The following TENM2 variants were observed in gnomAD, a reference collection of about 807,000 sequenced individuals.
TENM2 encodes teneurin transmembrane protein 2.
A neutral mutation model predicts 245.2 loss-of-function variants in TENM2; 52 were observed. The observed-to-expected ratio is 0.21, with a 90% CI of 0.17 to 0.27. The LOEUF is 0.27. Ranked by LOEUF, TENM2 falls within the 10% of genes least tolerant of loss-of-function variation. TENM2 has a pLI of 1.00. For synonymous variants in TENM2, 1,363 were observed against 1,438.9 expected (o/e 0.95, Z 1.19); for missense variants, 3,046 against 3,666.8 (o/e 0.83, Z 4.37).
At chr5:168,196,218 C>G (rs1761416651) in intron 15 of TENM2, among the ~76,000 whole-genome samples, 1 of 152,098 alleles carries the variant, frequency 6.6e-6, no homozygotes, top group African/African-American at 2.4e-5. Context: ...CCTAAGGTAG[C>G]CTTATAGGCA....
At chr5:167,489,570 T>G (rs1016047721) in intron 2 of TENM2, among the ~76,000 whole-genome samples, 1 of 152,276 alleles carries the variant, frequency 6.6e-6, no homozygotes, top group South Asian at 2.1e-4. Flanking sequence ...TTGCTTTATT[T>G]ATTTATTTAT....
At chr5:167,402,740 C>A (rs183112156) in intron 2 of TENM2, among the ~76,000 whole-genome samples, 65 of 152,138 alleles carry the variant, frequency 4.3e-4, no homozygotes, top group Non-Finnish European at 7.4e-4. Context: ...TTTTTAATGT[C>A]TTTTATTCTC....
chr5:167,631,331 G>A lies in TENM2; in HGVS notation c.503-244655G>A, dbSNP rs186333069. 4.3e-3 allele frequency among the ~76,000 whole-genome samples: 656 copies of A among 152,294 alleles called. 1 individual carries two copies. Among genetic ancestry groups the A allele is most frequent in the Non-Finnish European group, 6.7e-3 (454 of 68,020 alleles). On this transcript the variant is annotated intron_variant, in intron 2 of 28. Coordinates refer to ENST00000518659, the Ensembl canonical transcript of TENM2. The stretch of plus-strand genomic sequence containing the variant: ...TGGGTACAGCACACTCACTGAGAGT[G>A]TGACATTTGAGCCAAGGCTTGAACT...
intron 1 of TENM2, among the ~76,000 whole-genome samples, chr5:167,364,175 AC>A (rs1299188290): frequency 6.6e-6 from 1 of 152,112 alleles, no homozygotes; most frequent in African/African-American, 2.4e-5. Flanking sequence ...AATGACTGAG[AC>A]TTTTTTTATA....
At chr5:167,530,470 G>T (rs575558863) in intron 2 of TENM2, among the ~76,000 whole-genome samples, 1 of 152,238 alleles carries the variant, frequency 6.6e-6, no homozygotes, top group African/African-American at 2.4e-5. Flanking sequence ...GAGAAACTAT[G>T]TGCTGGATGT....
At chr5:167,341,203 A>G (rs1758080385) in intron 1 of TENM2, among the ~76,000 whole-genome samples, 1 of 152,196 alleles carries the variant, frequency 6.6e-6, no homozygotes, top group South Asian at 2.1e-4. Flanking sequence ...GAGTTGTTCT[A>G]GTTTAATTGT....
chr5:167,485,097 TC>T lies in TENM2; in HGVS notation c.502+109626del, dbSNP rs1285002676. Among the ~76,000 whole-genome samples the T allele has an allele frequency of 5.3e-5, 8 of 152,302 alleles. No homozygotes were observed. In the East Asian group the frequency reaches 1.5e-3, roughly 29 times the overall value. ...TATCTCCCGAGGGTTGAGGTCTTCATCCAGCCGGTGGCCCTATTAGGAAGTA... is the reference window on the plus strand; with the variant it reads ...TATCTCCCGAGGGTTGAGGTCTTCATCAGCCGGTGGCCCTATTAGGAAGTA... On this transcript the variant is annotated intron_variant, in intron 2 of 28. Transcript: ENST00000518659.
intron 3 of TENM2, among the ~76,000 whole-genome samples, chr5:167,911,327 C>A (rs923653517): frequency 6.6e-6 from 1 of 152,080 alleles, no homozygotes; most frequent in African/African-American, 2.4e-5. Context: ...GAGATCGAGA[C>A]CAACCTGGCT....
chr5:167,937,340 T>A (rs1778800735), intron 3 of TENM2, among the ~76,000 whole-genome samples: 1 of 152,220 alleles, frequency 6.6e-6, no homozygotes. Flanking sequence ...AATTTTCACG[T>A]GCAGATTTTG....
the TENM2 span, among the ~76,000 whole-genome samples, chr5:167,200,589 A>G: frequency 6.6e-6 from 1 of 152,094 alleles, no homozygotes; most frequent in Non-Finnish European, 1.5e-5. Context: ...TCACCAATGT[A>G]TAGCATGTTA....
chr5:166,988,056 C>T, the TENM2 span, among the ~76,000 whole-genome samples: 1 of 152,162 alleles, frequency 6.6e-6, no homozygotes, highest in Non-Finnish European at 1.5e-5. Flanking sequence ...GTGAATAGCT[C>T]TGAAAGTGGA....
chr5:167,619,092 T>C lies in TENM2; in HGVS notation c.502+243619T>C, dbSNP rs1777984538. ...TGGAAACACTGCCCAGTGTTCTAGA[T>C]CTTCCAGTTTTTCTGGAGACTACAG... On this transcript the variant is annotated intron_variant, in intron 2 of 28. Coordinates refer to ENST00000518659, the Ensembl canonical transcript of TENM2. Among the ~76,000 whole-genome samples, 5 of 152,252 alleles carry C rather than the reference T, an allele frequency of 3.3e-5. No individual in the cohort carries two copies. The South Asian group carries it at 1.0e-3, about 32-fold the overall frequency.
intron 12 of TENM2, among the ~76,000 whole-genome samples, chr5:168,158,842 TATATATATAC>T (rs1757460544): frequency 7.9e-5 from 7 of 88,468 alleles, no homozygotes; most frequent in African/African-American, 2.9e-4. Context: ...TATATATATA[TATATATATAC>T]ACACACACAC....
the TENM2 span, among the ~76,000 whole-genome samples, chr5:167,175,068 A>G: frequency 2.0e-5 from 3 of 151,932 alleles, no homozygotes; most frequent in East Asian, 5.8e-4. Flanking sequence ...TTCCTTATCC[A>G]TTTATCCATT....
intron 1 of TENM2, among the ~76,000 whole-genome samples, chr5:167,337,297 A>G (rs1327343506): frequency 2.0e-5 from 3 of 152,172 alleles, no homozygotes. Flanking sequence ...TAAGAAAAAA[A>G]TTAAACTCTA....
the TENM2 span, among the ~76,000 whole-genome samples, chr5:167,242,713 T>C: frequency 3.3e-5 from 5 of 152,340 alleles, no homozygotes; most frequent in Admixed American, 3.3e-4. Context: ...GTATGTAATA[T>C]ATATAACATA....
the TENM2 span, among the ~76,000 whole-genome samples, chr5:167,175,343 T>C: frequency 6.6e-6 from 1 of 152,250 alleles, no homozygotes; most frequent in South Asian, 2.1e-4. Flanking sequence ...TAGTTTCAGA[T>C]GGCCAGTGGT....
At chr5:167,555,248 C>T (rs998793839) in intron 2 of TENM2, among the ~76,000 whole-genome samples, 2 of 152,152 alleles carry the variant, frequency 1.3e-5, no homozygotes, top group African/African-American at 4.8e-5. Flanking sequence ...TCTGGGAGAT[C>T]TCAGCAGTTT....
chr5:168,004,517 G>GCGCGCGCACACACACA (rs898616203), intron 5 of TENM2, among the ~76,000 whole-genome samples: 9 of 132,152 alleles, frequency 6.8e-5, no homozygotes, highest in Admixed American at 5.2e-4. Context: ...GCGCGCGCGC[G>GCGCGCGCACACACACA]CACACACACA....
Sources: gnomAD v4.1 joint callset for allele counts (sites outside exome capture counted in the v4.1 genomes callset) on GRCh38, gnomAD v4.1.1 for gene constraint, MANE v1.5 for transcripts, NCBI Gene and HGNC (gene_info 2026-07-23, HGNC 2026-07-21) for gene names.